Variants in GIGYF1 observed in about 807,000 individuals in gnomAD.
The protein encoded by GIGYF1 is GRB10-interacting GYF protein 1.
Under a neutral mutation model 147.1 loss-of-function variants are expected in GIGYF1, and 84 were observed. The ratio of observed to expected loss-of-function variants is 0.57; its 90% CI spans 0.48 to 0.68. The LOEUF (loss-of-function observed/expected upper bound fraction) is 0.68, where lower values mean the gene tolerates loss of function less well. Ranked by LOEUF, GIGYF1 falls within the 30% of genes least tolerant of loss-of-function variation. The probability of loss-of-function intolerance (pLI) is 0.00; values close to 1 mark genes in which losing one functional copy is unlikely to be tolerated. For missense variants in GIGYF1, 1,485 were observed against 1,393.7 expected (o/e 1.07, Z -1.04); for synonymous variants, 752 against 589.5 (o/e 1.28, Z -3.99).
At position 100,682,009 on chromosome 7, in the gene GIGYF1, G is replaced by A. The variant is rs1480943289; in HGVS notation, c.2926-16C>T. On this transcript the variant is annotated splice_polypyrimidine_tract_variant and intron_variant, in intron 25 of 26. Coordinates refer to ENST00000678049, the MANE Select transcript of GIGYF1 (RefSeq NM_001375765.1). The stretch of plus-strand genomic sequence containing the variant: ...GCCATGCCTCCTAAGGCAGCGGAGA[G>A]GAGGGTGAAGGTCAGGAGGCACCAG... 1.2e-6 allele frequency: 2 copies of A among 1,609,726 alleles called. No individual in the cohort carries two copies. Among genetic ancestry groups the A allele is most frequent in the Admixed American group, 1.7e-5 (1 of 60,000 alleles).
intron 7 of GIGYF1, 25 bp from the exon 8 acceptor site, chr7:100,687,431 T>C (rs750898068): frequency 6.2e-7 from 1 of 1,611,604 alleles, no homozygotes; most frequent in Non-Finnish European, 8.5e-7. Context: ...AGACGCACAA[T>C]GAAACCTGCT....
In GIGYF1 at chr7:100,683,841, T is replaced by C; in HGVS notation, c.1946A>G (p.His649Arg). 1 of 1,571,684 alleles carries C rather than the reference T, an allele frequency of 6.4e-7. No homozygotes were observed. Among genetic ancestry groups the C allele is most frequent in the South Asian group, 1.1e-5 (1 of 87,180 alleles). The change falls in exon 19 of 27, where the codon CAT becomes CGT. Residue 649 changes from histidine to arginine, a missense_variant. Physicochemically the swap from His to Arg is conservative, Grantham distance 29. Coordinates refer to ENST00000678049, the MANE Select transcript of GIGYF1 (RefSeq NM_001375765.1). ...ACCTGACTGTGATGAGGCTGAGGTA[T>C]GTACGTCCCAGAGGCGGCCCGAATC... Reference protein sequence around the residue: ...VPDSGRLWDVHTSASSQSGGE... With the variant: ...VPDSGRLWDVRTSASSQSGGE...
intron 1 of GIGYF1, among the ~76,000 whole-genome samples, chr7:100,691,703 C>T (rs1805843995): frequency 6.6e-6 from 1 of 152,094 alleles, no homozygotes; most frequent in Admixed American, 6.6e-5. Flanking sequence ...GCCTGTCCCC[C>T]GCCCTGGCCC....
Position 100,682,570 on chromosome 7 carries a change from C to A in GIGYF1, c.2600+20G>T. The A allele has an allele frequency of 6.3e-7, 1 of 1,590,596 alleles. No homozygotes were observed. The highest frequency in any genetic ancestry group is 1.1e-5 in the South Asian group (1 of 88,746). On this transcript the variant is annotated intron_variant, in intron 23 of 26. Transcript: ENST00000678049. Reference sequence around the variant, plus strand: ...CTTCCCCCTCAGGGCCATCCCGGAGCCTCCAGGTGCCACGCCCACCTGAGA... The same window carrying A: ...CTTCCCCCTCAGGGCCATCCCGGAGACTCCAGGTGCCACGCCCACCTGAGA...
At position 100,688,868 on chromosome 7, in the gene GIGYF1, G is replaced by A. The variant is rs1316439852; in HGVS notation, c.-411C>T. 1.2e-5 allele frequency: 2 copies of A among 172,746 alleles called. No individual in the cohort carries two copies. Among genetic ancestry groups the A allele is most frequent in the African/African-American group, 4.7e-5 (2 of 42,218 alleles). 10.7% of individuals were successfully genotyped at this position (172,746 alleles called of 1,614,324 possible). A position where few individuals can be genotyped will look rare whatever the true frequency, so the allele number is the denominator to read the frequency against. On this transcript the variant is annotated 5_prime_UTR_variant, in exon 2 of 27. Transcript: ENST00000678049. Reference sequence around the variant, plus strand: ...CACCCTCTCTGGGAGGCTGAGACAGGAGGTGTAGTGAAGAACTCGGGGAGG... The same window carrying A: ...CACCCTCTCTGGGAGGCTGAGACAGAAGGTGTAGTGAAGAACTCGGGGAGG...
At chr7:100,686,963 G>A (rs1424016395) in intron 9 of GIGYF1, 43 bp downstream of exon 9, 4 of 1,611,946 alleles carry the variant, frequency 2.5e-6, no homozygotes, top group Non-Finnish European at 3.4e-6. Context: ...ACCCATCTTG[G>A]TCCTCCCTGC....
chr7:100,684,718 G>A lies in GIGYF1; in HGVS notation c.1462+5C>T. On this transcript the variant is annotated splice_donor_5th_base_variant and intron_variant, in intron 15 of 26. Transcript: ENST00000678049. Reference sequence around the variant, plus strand: ...TTGAGCAGCCCTCCCATCCCACACAGGTACCTTGGATCTCGCCCTGTGGGT... The same window carrying A: ...TTGAGCAGCCCTCCCATCCCACACAAGTACCTTGGATCTCGCCCTGTGGGT... The A allele has an allele frequency of 1.9e-6, 3 of 1,611,580 alleles. No individual in the cohort carries two copies. Among genetic ancestry groups the A allele is most frequent in the Non-Finnish European group, 2.5e-6 (3 of 1,178,514 alleles).
At chr7:100,681,822 C>T in intron 26 of GIGYF1, 42 bp downstream of exon 26, 1 of 1,607,276 alleles carries the variant, frequency 6.2e-7, no homozygotes, top group Non-Finnish European at 8.5e-7. Context: ...CTCCTCCTGC[C>T]CTGTGCCAAG....
Position 100,681,760 on chromosome 7 carries a change from G to T in GIGYF1, c.3067C>A (p.His1023Asn). 2.5e-6 allele frequency: 4 copies of T among 1,588,174 alleles called. No homozygotes were observed. Among genetic ancestry groups the T allele is most frequent in the Non-Finnish European group, 2.6e-6 (3 of 1,166,138 alleles). The change falls in exon 27 of 27, where the codon CAC becomes AAC. Residue 1023 changes from histidine to asparagine, a missense_variant. Coordinates refer to ENST00000678049, the MANE Select transcript of GIGYF1 (RefSeq NM_001375765.1). ...CTCTCGATCTCACCAGAAGATCCGT[G>T]CAGGGAGTACCCTGAAGCCGGGGAG... ...SDPSILGYSL[H>N]GSSGEIESVD... is the part of the protein sequence containing the mutation.
chr7:100,684,355 C>T lies in GIGYF1; in HGVS notation c.1630-18G>A, dbSNP rs377581966. On this transcript the variant is annotated intron_variant, in intron 16 of 26. Transcript: ENST00000678049. ...ATGTTTCCCTGCTCAGGTGAGAGCT[C>T]GGCCAGTGCCCCCAGCAGGGAGGAG... 2.1e-5 allele frequency: 33 copies of T among 1,593,130 alleles called. No homozygotes were observed. The highest frequency in any genetic ancestry group is 1.3e-4 in the African/African-American group (10 of 74,418).
chr7:100,683,908 G>T lies in GIGYF1; in HGVS notation c.1879C>A (p.Gln627Lys). The change falls in exon 19 of 27, where the codon CAG (glutamine) becomes AAG (lysine). Residue 627 changes from glutamine to lysine, a missense_variant. Coordinates refer to ENST00000678049, the MANE Select transcript of GIGYF1 (RefSeq NM_001375765.1). Reference protein sequence around the residue: ...QALKPPRGGDQNLLPTMSRSL... With the variant: ...QALKPPRGGDKNLLPTMSRSL... The stretch of plus-strand genomic sequence containing the variant: ...CGGCTCATCGTCGGGAGCAGGTTCT[G>T]GTCCCCGCCTCTGAGGAGCAAATTG... 2 of 1,554,390 alleles carry T rather than the reference G, an allele frequency of 1.3e-6. No homozygotes were observed. The highest frequency in any genetic ancestry group is 2.7e-5 in the African/African-American group (2 of 73,394).
chr7:100,684,453 C>T lies in GIGYF1; in HGVS notation c.1626G>A (p.Leu542=), dbSNP rs1328604421. 1 of 1,612,606 alleles carries T rather than the reference C, an allele frequency of 6.2e-7. No individual in the cohort carries two copies. Among genetic ancestry groups the T allele is most frequent in the Non-Finnish European group, 8.5e-7 (1 of 1,179,954 alleles). ...ATGCAGGGGAGAAGCGGCTCACCAG[C>T]AGTGGGGGAGGTGAGGGCCCTGGGG... ...PFAPGPSPPP[L]LGNMDQERLK... is the part of the protein sequence containing the mutation. The change falls in exon 16 of 27, where the codon CTG becomes CTA. Residue 542 remains leucine (L), a synonymous_variant. Transcript: ENST00000678049.
At chr7:100,690,083 A>G (rs981753116) in intron 1 of GIGYF1, among the ~76,000 whole-genome samples, 2 of 152,258 alleles carry the variant, frequency 1.3e-5, no homozygotes, top group African/African-American at 4.8e-5. Flanking sequence ...TTAGTAACAC[A>G]GAATGGCACA....
In GIGYF1 at chr7:100,687,538, T is replaced by C. The variant is rs771434229; in HGVS notation, c.340A>G (p.Thr114Ala). ...CGCGTGCTGCCCCTGCCTCGGGAGGTGCCAGCCAGGGGGGGGCCAGCCCCT... is the reference window on the plus strand; with the variant it reads ...CGCGTGCTGCCCCTGCCTCGGGAGGCGCCAGCCAGGGGGGGGCCAGCCCCT... ...GKGAGPPLAG[T>A]SRGRGSTRSR... is the part of the protein sequence containing the mutation. The change falls in exon 7 of 27, where the codon ACC becomes GCC. Residue 114 changes from threonine to alanine, a missense_variant. Thr to Ala is a moderately conservative substitution (Grantham distance 58, BLOSUM62 0). Coordinates refer to ENST00000678049, the MANE Select transcript of GIGYF1 (RefSeq NM_001375765.1). 9 of 1,611,794 alleles carry C rather than the reference T, an allele frequency of 5.6e-6. No homozygotes were observed. In the African/African-American group the frequency reaches 1.2e-4, roughly 22 times the overall value.
intron 1 of GIGYF1, among the ~76,000 whole-genome samples, chr7:100,691,634 C>T (rs1291730564): frequency 1.3e-5 from 2 of 151,834 alleles, no homozygotes; most frequent in African/African-American, 4.8e-5. Context: ...ACCTGCCCGT[C>T]TCAGCTTACC....
intron 1 of GIGYF1, among the ~76,000 whole-genome samples, chr7:100,691,683 G>A (rs1423417938): frequency 2.6e-5 from 4 of 151,796 alleles, no homozygotes; most frequent in Admixed American, 6.6e-5. Context: ...CTTCTCACAG[G>A]CCCCTTCCAG....
chr7:100,684,604 G>A lies in GIGYF1; in HGVS notation c.1475C>T (p.Thr492Ile), dbSNP rs371967837. 8.7e-6 allele frequency: 14 copies of A among 1,614,104 alleles called. No homozygotes were observed. The highest frequency in any genetic ancestry group is 1.2e-5 in the Non-Finnish European group (14 of 1,180,054). The change falls in exon 16 of 27, where the codon ACA (threonine) becomes ATA (isoleucine). Residue 492 changes from threonine to isoleucine, a missense_variant. By Grantham distance (89) the Thr-to-Ile change is moderately conservative (BLOSUM62 -1). Transcript: ENST00000678049. ...CTGGAACCACTCTGCCATCTCCTGT[G>A]TCGTGAAGGGGCCTGGACAGGGAGC... Reference protein sequence around the residue: ...PQGEIQGPFTTQEMAEWFQAG... With the variant: ...PQGEIQGPFTIQEMAEWFQAG...
intron 19 of GIGYF1, 76 bp downstream of exon 19, chr7:100,683,741 TG>T (rs1805027573): frequency 1.9e-6 from 3 of 1,550,858 alleles, no homozygotes; most frequent in Non-Finnish European, 2.7e-6. Context: ...TAGGGGCGTG[TG>T]GGGGTGGGGA....
chr7:100,689,970 G>A (rs1805699669), intron 1 of GIGYF1, among the ~76,000 whole-genome samples: 2 of 152,148 alleles, frequency 1.3e-5, no homozygotes, highest in South Asian at 4.1e-4. Context: ...AGCCACCAGG[G>A]GCTGAGGGGA....
Sources: allele counts gnomAD v4.1 joint callset (sites outside exome capture counted in the v4.1 genomes callset), GRCh38; gene constraint gnomAD v4.1.1; transcripts MANE v1.5; gene names NCBI Gene and HGNC (gene_info 2026-07-23, HGNC 2026-07-21).